Variants in LHPP observed in about 807,000 individuals in gnomAD.
The protein encoded by LHPP is hLHPP.
Under a neutral mutation model 30.3 loss-of-function variants are expected in LHPP, and 24 were observed. The observed-to-expected ratio is 0.79, with a 90% CI of 0.57 to 1.11. The LOEUF (loss-of-function observed/expected upper bound fraction) is 1.11. LHPP is among the 50% of genes most tolerant of loss of function. LHPP has a pLI of 0.00. For missense variants in LHPP, 356 were observed against 367.2 expected (o/e 0.97, Z 0.25); for synonymous variants, 150 against 157.1 (o/e 0.95, Z 0.34).
chr10:124,554,403 G>A (rs1433321980), intron 6 of LHPP, among the ~76,000 whole-genome samples: 2 of 152,216 alleles, frequency 1.3e-5, no homozygotes, highest in African/African-American at 2.4e-5. Flanking sequence ...CTCCCTGTGT[G>A]GCCCAGGCTG....
intron 6 of LHPP, among the ~76,000 whole-genome samples, chr10:124,591,125 T>G (rs1948878415): frequency 6.6e-6 from 1 of 152,198 alleles, no homozygotes; most frequent in South Asian, 2.1e-4. Flanking sequence ...TAACTGCTGC[T>G]TCGGGGTCCA....
At chr10:124,494,464 T>A (rs917914206) in intron 3 of LHPP, among the ~76,000 whole-genome samples, 9 of 152,202 alleles carry the variant, frequency 5.9e-5, no homozygotes, top group African/African-American at 1.9e-4. Context: ...GGTATATTCT[T>A]TCCTCCGTCC....
At chr10:124,609,516 T>C (rs1174208805) in intron 6 of LHPP, among the ~76,000 whole-genome samples, 1 of 152,242 alleles carries the variant, frequency 6.6e-6, no homozygotes, top group Non-Finnish European at 1.5e-5. Context: ...AGTGCTAGGA[T>C]GACAGGCGTG....
chr10:124,463,823 T>TTC (rs910446343), intron 1 of LHPP, among the ~76,000 whole-genome samples: 7 of 19,332 alleles, frequency 3.6e-4, no homozygotes, highest in African/African-American at 7.4e-4. Context: ...TTTTTTTCTT[T>TTC]TTTTTTTTTT....
chr10:124,518,164 C>A (rs771545154), intron 6 of LHPP, among the ~76,000 whole-genome samples: 1 of 152,184 alleles, frequency 6.6e-6, no homozygotes, highest in Non-Finnish European at 1.5e-5. Flanking sequence ...GAAGGCTCAG[C>A]GCACCTGGGT....
At chr10:124,540,930 T>C (rs1379927137) in intron 6 of LHPP, among the ~76,000 whole-genome samples, 3 of 152,236 alleles carry the variant, frequency 2.0e-5, no homozygotes, top group Non-Finnish European at 2.9e-5. Context: ...AAATGTTTAA[T>C]TTATTTTAAA....
intron 6 of LHPP, among the ~76,000 whole-genome samples, chr10:124,591,970 T>C (rs1261089728): frequency 6.6e-6 from 1 of 152,178 alleles, no homozygotes; most frequent in African/African-American, 2.4e-5. Context: ...AACAGGTTCA[T>C]CTGCTCTCCT....
At position 124,526,668 on chromosome 10, in the gene LHPP, G is replaced by A. The variant is rs538671686; in HGVS notation, c.716+9397G>A. ...CTGCTGCTGAGCTGGACATAAGCAG[G>A]ACCTGGCTCTGGGGGCTTCTGACCT... On this transcript the variant is annotated intron_variant, in intron 6 of 6. Coordinates refer to ENST00000368842, the MANE Select transcript of LHPP (RefSeq NM_022126.4). Among the ~76,000 whole-genome samples the A allele has an allele frequency of 5.3e-5, 8 of 152,318 alleles. No individual in the cohort carries two copies. In the South Asian group the frequency reaches 1.7e-3, roughly 32 times the overall value.
intron 6 of LHPP, among the ~76,000 whole-genome samples, chr10:124,604,935 C>A (rs1187422315): frequency 6.6e-6 from 1 of 152,244 alleles, no homozygotes; most frequent in Non-Finnish European, 1.5e-5. Context: ...GGGCCACCGA[C>A]TGGGAGTCCC....
chr10:124,539,184 C>T (rs1421369402), intron 6 of LHPP, among the ~76,000 whole-genome samples: 2 of 152,116 alleles, frequency 1.3e-5, no homozygotes, highest in South Asian at 4.1e-4. Flanking sequence ...TGACTCCCCT[C>T]GTCCTGAGCT....
At chr10:124,520,906 AT>A (rs902927228) in intron 6 of LHPP, among the ~76,000 whole-genome samples, 1 of 152,174 alleles carries the variant, frequency 6.6e-6, no homozygotes, top group Non-Finnish European at 1.5e-5. Flanking sequence ...GCTCATGAGT[AT>A]TTTTTTATAT....
rs1953035024 is a variant in LHPP at position 124,478,798 on chromosome 10, A to T, written c.126-5341A>T. On this transcript the variant is annotated intron_variant, in intron 1 of 6. Transcript: ENST00000368842. The surrounding 1 kb of genome is among the most constrained non-coding windows in gnomAD (Gnocchi z 4.7). Reference sequence around the variant, plus strand: ...GGCGCGGTGGCTCAGGCCGGGTGCCATGGCTCACGCCTGTAATTCCAGCAC... The same window carrying T: ...GGCGCGGTGGCTCAGGCCGGGTGCCTTGGCTCACGCCTGTAATTCCAGCAC... Among the ~76,000 whole-genome samples the T allele has an allele frequency of 6.6e-6, 1 of 152,166 alleles. No individual in the cohort carries two copies. The highest frequency in any genetic ancestry group is 2.4e-5 in the African/African-American group (1 of 41,446).
intron 5 of LHPP, chr10:124,498,580 G>A (rs773713021): frequency 6.7e-5 from 70 of 1,046,256 alleles, no homozygotes; most frequent in Middle Eastern, 6.2e-4. Flanking sequence ...AAAAAGAATC[G>A]GTTATGATTT....
At chr10:124,492,220 T>A (rs1389052779) in intron 3 of LHPP, among the ~76,000 whole-genome samples, 1 of 152,254 alleles carries the variant, frequency 6.6e-6, no homozygotes, top group Non-Finnish European at 1.5e-5. Context: ...TTCTTCACGC[T>A]GTGTCTCTAT....
Position 124,461,960 on chromosome 10 carries a change from T to C in LHPP, c.98T>C (p.Ile33Thr). ...AGCGGCGCGGGCGGCGGCACGGCCA[T>C]CGCCGGCTCGGTGGAGGCGGTGGCC... The part of the protein sequence containing the change: ...YDSGAGGGTA[I>T]AGSVEAVARL... The change falls in exon 1 of 7, where the codon ATC becomes ACC. Residue 33 changes from isoleucine to threonine, a missense_variant. Ile to Thr is a moderately conservative substitution (Grantham distance 89). Transcript: ENST00000368842. The C allele has an allele frequency of 4.9e-6, 6 of 1,226,122 alleles. No homozygotes were observed. The highest frequency in any genetic ancestry group is 6.1e-6 in the Non-Finnish European group (6 of 980,366). 76.0% of individuals were successfully genotyped at this position (1,226,122 alleles called of 1,614,324 possible). A position where few individuals can be genotyped will look rare whatever the true frequency, so the allele number is the denominator to read the frequency against.
chr10:124,580,282 T>A (rs1489875185), intron 6 of LHPP, among the ~76,000 whole-genome samples: 1 of 152,240 alleles, frequency 6.6e-6, no homozygotes, highest in African/African-American at 2.4e-5. Flanking sequence ...GATGTATTAA[T>A]CATGATGTTG....
rs1953012488 is a variant in LHPP at position 124,478,250 on chromosome 10, G to T, written c.126-5889G>T. ...GCTGTGGGGCCTCCAGGAGGAAGAG[G>T]TGTATGAACCCTGCTTTGTAGGATG... On this transcript the variant is annotated intron_variant, in intron 1 of 6. Transcript: ENST00000368842. The surrounding 1 kb of genome is among the most constrained non-coding windows in gnomAD (Gnocchi z 4.7). Among the ~76,000 whole-genome samples the T allele has an allele frequency of 6.6e-6, 1 of 152,206 alleles. No homozygotes were observed.
At chr10:124,472,744 G>C (rs1048995450) in intron 1 of LHPP, among the ~76,000 whole-genome samples, 1 of 152,098 alleles carries the variant, frequency 6.6e-6, no homozygotes, top group Non-Finnish European at 1.5e-5. Flanking sequence ...TTTTAGTAGA[G>C]ACGGAGTTTC....
intron 6 of LHPP, among the ~76,000 whole-genome samples, chr10:124,553,351 C>G (rs971408243): frequency 6.6e-6 from 1 of 152,190 alleles, no homozygotes; most frequent in Admixed American, 6.5e-5. Context: ...TCCTGCCCAC[C>G]CCCTGCACCT....
Sources: allele counts gnomAD v4.1 joint callset (sites outside exome capture counted in the v4.1 genomes callset), GRCh38; gene constraint gnomAD v4.1.1; non-coding constraint Gnocchi (gnomAD v3.1); transcripts MANE v1.5; gene names NCBI Gene and HGNC (gene_info 2026-07-23, HGNC 2026-07-21).